ELF5: variants seen among roughly 807,000 people sequenced by gnomAD.
ELF5 encodes the protein E74 like ETS transcription factor 5, also known as ETS-related transcription factor Elf-5.
Under a neutral mutation model 38.2 loss-of-function variants are expected in ELF5, and 31 were observed. The observed-to-expected ratio is 0.81, with a 90% CI of 0.61 to 1.10. ELF5 has a LOEUF of 1.10. Ranked by LOEUF, ELF5 falls within the 50% of genes least tolerant of loss-of-function variation. The pLI is 0.00. For synonymous variants in ELF5, 121 were observed against 112.5 expected (o/e 1.08, Z -0.48); for missense variants, 300 against 306.6 (o/e 0.98, Z 0.16).
In ELF5 at chr11:34,480,778, G is replaced by T; in HGVS notation, c.665C>A (p.Ala222Asp). 1 of 1,613,582 alleles carries T rather than the reference G, an allele frequency of 6.2e-7. No homozygotes were observed. Among genetic ancestry groups the T allele is most frequent in the Non-Finnish European group, 8.5e-7 (1 of 1,179,790 alleles). ...DRMTYEKLSRALRYYYKTGIL... is the reference protein window; with the variant it reads ...DRMTYEKLSRDLRYYYKTGIL... ...TTTTATGCTATTAACTTACCTCAGG[G>T]CTCTGCTCAACTTTTCATATGTCAT... The change falls in exon 6 of 7, where the codon GCC becomes GAC. Residue 222 changes from alanine to aspartate, a missense_variant. Physicochemically the swap from Ala to Asp is moderately radical, Grantham distance 126. Transcript: ENST00000257832.
At position 34,489,891 on chromosome 11, in the gene ELF5, C is replaced by A. The variant is rs148945035; in HGVS notation, c.406+118G>T. The A allele has an allele frequency of 5.6e-6, 7 of 1,239,462 alleles. No individual in the cohort carries two copies. The Admixed American group carries it at 1.2e-4, about 22-fold the overall frequency. 76.8% of individuals were successfully genotyped at this position (1,239,462 alleles called of 1,614,324 possible). A position where few individuals can be genotyped will look rare whatever the true frequency, so the allele number is the denominator to read the frequency against. On this transcript the variant is annotated intron_variant, in intron 4 of 6. Transcript: ENST00000257832. ...CCACGCTTTTCCCCACTGCTTTCTC[C>A]AGGTCTGGGATTGTTTTGGTTCATC...
At chr11:34,508,024 T>C (rs985819163) in intron 1 of ELF5, among the ~76,000 whole-genome samples, 1 of 152,172 alleles carries the variant, frequency 6.6e-6, no homozygotes, top group African/African-American at 2.4e-5. Context: ...AATATGCTAA[T>C]TAAAAGGAAA....
chr11:34,483,072 CT>C (rs1172547815), intron 4 of ELF5, among the ~76,000 whole-genome samples: 1 of 151,910 alleles, frequency 6.6e-6, no homozygotes, highest in Admixed American at 6.6e-5. Flanking sequence ...TCTTAGCCCC[CT>C]GCTTGCTTTG....
chr11:34,498,005 T>C (rs1850357203), intron 2 of ELF5, among the ~76,000 whole-genome samples: 1 of 152,084 alleles, frequency 6.6e-6, no homozygotes, highest in African/African-American at 2.4e-5. Flanking sequence ...TTACTGGGAG[T>C]GGAGGTGAAG....
chr11:34,493,788 G>C lies in ELF5; in HGVS notation c.122-76C>G, dbSNP rs1258515845. 3.9e-6 allele frequency: 5 copies of C among 1,274,930 alleles called. No homozygotes were observed. The Admixed American group carries it at 9.5e-5, about 24-fold the overall frequency. 79.0% of individuals were successfully genotyped at this position (1,274,930 alleles called of 1,614,324 possible). ...GAGAGGGCCCCTGAAGGATGCATCAGTTAAGTAACATCCTCATTCCTCAGC... is the reference window on the plus strand; with the variant it reads ...GAGAGGGCCCCTGAAGGATGCATCACTTAAGTAACATCCTCATTCCTCAGC... On this transcript the variant is annotated intron_variant, in intron 2 of 6. Transcript: ENST00000257832.
rs150452861 is a variant in ELF5 at position 34,505,720 on chromosome 11, G to A, written c.30C>T (p.Phe10=). The A allele has an allele frequency of 6.2e-7, 1 of 1,613,990 alleles. No individual in the cohort carries two copies. The highest frequency in any genetic ancestry group is 8.5e-7 in the Non-Finnish European group (1 of 1,179,980). ...GATCGCAGAAGGATGCATTAGGCAG[G>A]AAGGTGCTGTGTGTCACCGAGTCCA... MLDSVTHST[F]LPNASFCDPL... The change falls in exon 2 of 7, where the codon TTC becomes TTT. Residue 10 remains phenylalanine (F), a synonymous_variant. Coordinates refer to ENST00000257832, the MANE Select transcript of ELF5 (RefSeq NM_001422.4).
At chr11:34,508,154 C>T (rs1850654613) in intron 1 of ELF5, among the ~76,000 whole-genome samples, 1 of 152,170 alleles carries the variant, frequency 6.6e-6, no homozygotes, top group South Asian at 2.1e-4. Flanking sequence ...TAGCAAACTA[C>T]ATCCTATAGG....
Position 34,482,315 on chromosome 11 carries a change from C to T in ELF5, c.475+116G>A, listed in dbSNP as rs1467716434. The T allele has an allele frequency of 4.3e-6, 4 of 920,126 alleles. No individual in the cohort carries two copies. In the East Asian group the frequency reaches 1.0e-4, roughly 24 times the overall value. The allele number at this position is 920,126 out of a possible 1,614,324, so 57.0% of individuals were successfully genotyped here. A position where few individuals can be genotyped will look rare whatever the true frequency, so the allele number is the denominator to read the frequency against. ...AATCACTGATTTCTTTACTACCTTCCTTGGGGAGTAACTGGTCCAACTCAA... is the reference window on the plus strand; with the variant it reads ...AATCACTGATTTCTTTACTACCTTCTTTGGGGAGTAACTGGTCCAACTCAA... On this transcript the variant is annotated intron_variant, in intron 5 of 6. Coordinates refer to ENST00000257832, the MANE Select transcript of ELF5 (RefSeq NM_001422.4).
intron 1 of ELF5, among the ~76,000 whole-genome samples, chr11:34,506,677 C>T (rs1445844840): frequency 6.6e-6 from 1 of 152,048 alleles, no homozygotes; most frequent in Non-Finnish European, 1.5e-5. Flanking sequence ...TCAAACCTGG[C>T]TAATTTTTGT....
At chr11:34,482,742 T>C (rs1046703366) in intron 4 of ELF5, among the ~76,000 whole-genome samples, 3 of 151,954 alleles carry the variant, frequency 2.0e-5, no homozygotes, top group Admixed American at 6.6e-5. Flanking sequence ...TTGATCGAGG[T>C]CCGTGCAGGG....
intron 4 of ELF5, among the ~76,000 whole-genome samples, chr11:34,487,416 C>G (rs1480101742): frequency 6.6e-6 from 1 of 152,168 alleles, no homozygotes; most frequent in Non-Finnish European, 1.5e-5. Context: ...AAACTTCTCC[C>G]CATCTCTTCC....
chr11:34,480,517 G>A (rs1452299296), intron 6 of ELF5, among the ~76,000 whole-genome samples: 1 of 152,046 alleles, frequency 6.6e-6, no homozygotes, highest in Non-Finnish European at 1.5e-5. Context: ...AGCTCAAAAC[G>A]TGTTTTTCTT....
intron 1 of ELF5, among the ~76,000 whole-genome samples, chr11:34,509,563 T>C (rs1214824924): frequency 1.3e-5 from 2 of 150,340 alleles, no homozygotes; most frequent in African/African-American, 4.9e-5. Context: ...CAAGGCTGCC[T>C]GGGTTTGGGC....
At chr11:34,501,626 G>A (rs3758736) in intron 2 of ELF5, among the ~76,000 whole-genome samples, 20,040 of 152,002 alleles carry the variant, frequency 0.13, 1,474 homozygotes, top group Admixed American at 0.21. Context: ...AGTAGTCATC[G>A]TTCTTTACTT....
intron 3 of ELF5, 113 bp downstream of exon 3, chr11:34,493,366 C>T (rs1159491881): frequency 3.5e-5 from 35 of 995,760 alleles, no homozygotes; most frequent in Non-Finnish European, 5.3e-5. Flanking sequence ...TTAACGAGAA[C>T]TCCAGTTAGT....
chr11:34,511,477 A>C, intron 1 of ELF5: 2 of 1,607,922 alleles, frequency 1.2e-6, no homozygotes, highest in South Asian at 2.2e-5. Flanking sequence ...AAGCTCAAGA[A>C]TGATTAACAC....
intron 3 of ELF5, 197 bp downstream of exon 3, chr11:34,493,281 AT>A (rs1175328766): frequency 1.3e-5 from 8 of 622,850 alleles, no homozygotes; most frequent in Non-Finnish European, 2.0e-5. Context: ...CTCAATTTGC[AT>A]TTTTGTAACT....
rs1184172837 is a variant in ELF5, at chr11:34,478,830, T to A, written c.*1388A>T. The A allele has an allele frequency of 6.5e-6, 1 of 152,704 alleles. No individual in the cohort carries two copies. The highest frequency in any genetic ancestry group is 2.4e-5 in the African/African-American group (1 of 41,474). The allele number at this position is 152,704 out of a possible 1,614,324, so 9.5% of individuals were successfully genotyped here. ...TACTTTATTCACATTGTTTACAAAC[T>A]ATATCCACCTGGAAAACACATGAAT... On this transcript the variant is annotated 3_prime_UTR_variant, in exon 7 of 7. Transcript: ENST00000257832.
chr11:34,502,415 G>C (rs1850495315), intron 2 of ELF5, among the ~76,000 whole-genome samples: 1 of 152,226 alleles, frequency 6.6e-6, no homozygotes, highest in Non-Finnish European at 1.5e-5. Context: ...GCTGTCTCCT[G>C]ACCCACCCCT....
Sources: allele counts gnomAD v4.1 joint callset (sites outside exome capture counted in the v4.1 genomes callset), GRCh38; gene constraint gnomAD v4.1.1; transcripts MANE v1.5; gene names NCBI Gene and HGNC (gene_info 2026-07-23, HGNC 2026-07-21).